Variants in MANEAL observed in about 807,000 individuals in gnomAD.
MANEAL encodes the protein glycoprotein endo-alpha-1,2-mannosidase-like protein.
Under a neutral mutation model 35.9 loss-of-function variants are expected in MANEAL, and 28 were observed. The observed-to-expected ratio is 0.78, with a 90% confidence interval of 0.58 to 1.07. The LOEUF is 1.07. Ranked by LOEUF, MANEAL falls within the 50% of genes least tolerant of loss-of-function variation. The pLI, the probability that MANEAL is intolerant of heterozygous loss-of-function variation, is 0.00. For synonymous variants in MANEAL, 286 were observed against 272.2 expected, an observed-to-expected ratio of 1.05 and a Z score of -0.50; for missense variants, 576 against 629.6, an observed-to-expected ratio of 0.91 and a Z score of 0.91.
Position 37,800,013 on chromosome 1 carries a change from G to C in MANEAL, c.1184G>C (p.Arg395Thr). 6.2e-7 allele frequency: 1 copy of C among 1,614,230 alleles called. No homozygotes were observed. ...ETALQAALTV[R>T]PEIVSITSFN... The stretch of plus-strand genomic sequence containing the variant: ...GCCCTGCAGGCGGCCCTGACAGTGA[G>C]GCCCGAGATCGTTTCCATTACCTCC... The change falls in exon 4 of 4, where the codon AGG (arginine) becomes ACG (threonine). Residue 395 changes from arginine (R) to threonine (T), a missense_variant. By Grantham distance (71) the Arg-to-Thr change is moderately conservative (BLOSUM62 -1). This residue lies in a region of MANEAL where 449 missense variants were observed against 516.1 expected (regional missense o/e 0.87). Transcript: ENST00000373045.
chr1:37,797,464 C>CTTTTTTT (rs79029579), intron 3 of MANEAL, among the ~76,000 whole-genome samples: 3 of 116,996 alleles, frequency 2.6e-5, no homozygotes, highest in Non-Finnish European at 1.9e-5. Flanking sequence ...AATGCCAGTG[C>CTTTTTTT]TTTTTTTTTT....
rs1162283542 is a variant in MANEAL at position 37,794,660 on chromosome 1, C to T, written c.478C>T (p.Leu160=). Residue 160 remains leucine (L), a synonymous_variant, in exon 1 of 4, where the codon CTG becomes TTG. Coordinates refer to ENST00000373045, the MANE Select transcript of MANEAL (RefSeq NM_001113482.2). This position sits in a 1 kb window ranked among gnomAD's most constrained non-coding sequence, Gnocchi z 5.7. ...DDLGSSFYPE[L]GPYSSRDPEV... is the part of the protein sequence containing the mutation. ...CTTGGGCTCCAGCTTCTACCCGGAGCTGGGGCCCTACAGCTCCCGGGACCC... is the reference window on the plus strand; with the variant it reads ...CTTGGGCTCCAGCTTCTACCCGGAGTTGGGGCCCTACAGCTCCCGGGACCC... The T allele has an allele frequency of 3.1e-6, 5 of 1,610,340 alleles. No individual in the cohort carries two copies. Among genetic ancestry groups the T allele is most frequent in the Middle Eastern group, 1.6e-4 (1 of 6,074 alleles).
In MANEAL at chr1:37,800,209, C is replaced by A; in HGVS notation, c.*6C>A. 6.2e-7 allele frequency: 1 copy of A among 1,610,892 alleles called. No individual in the cohort carries two copies. Among genetic ancestry groups the A allele is most frequent in the Non-Finnish European group, 8.5e-7 (1 of 1,179,380 alleles). On this transcript the variant is annotated 3_prime_UTR_variant, in exon 4 of 4. Transcript: ENST00000373045. Reference sequence around the variant, plus strand: ...AGGAGCAGTGGCTCATGTGAGGGGCCTGTAAATGGGCGTGAGGTGCTGATG... The same window carrying A: ...AGGAGCAGTGGCTCATGTGAGGGGCATGTAAATGGGCGTGAGGTGCTGATG...
chr1:37,799,198 C>T lies in MANEAL; in HGVS notation c.738-369C>T, dbSNP rs922210166. On this transcript the variant is annotated intron_variant, in intron 3 of 3. Coordinates refer to ENST00000373045, the MANE Select transcript of MANEAL (RefSeq NM_001113482.2). This position sits in a 1 kb window ranked among gnomAD's most constrained non-coding sequence, Gnocchi z 4.1. ...GACACATGAGAGCCGGATAGAAAGG[C>T]CAGATGGGGAGTAATAGCTGGGAAA... is the stretch of plus-strand genomic sequence containing the variant. 6.6e-6 allele frequency among the ~76,000 whole-genome samples: 1 copy of T among 151,966 alleles called. No individual in the cohort carries two copies. Among genetic ancestry groups the T allele is most frequent in the Non-Finnish European group, 1.5e-5 (1 of 67,996 alleles).
chr1:37,797,042 C>T (rs1385386016), intron 3 of MANEAL, among the ~76,000 whole-genome samples: 2 of 152,194 alleles, frequency 1.3e-5, no homozygotes, highest in Non-Finnish European at 2.9e-5. Context: ...ACCTTTGAGT[C>T]TTGTGAGAAT....
Position 37,799,660 on chromosome 1 carries a change from T to C in MANEAL, c.831T>C (p.Pro277=). 2.5e-6 allele frequency: 4 copies of C among 1,614,202 alleles called. No homozygotes were observed. The highest frequency in any genetic ancestry group is 3.4e-6 in the Non-Finnish European group (4 of 1,180,036). The change falls in exon 4 of 4, where the codon CCT becomes CCC. Residue 277 remains proline (P), a synonymous_variant. Coordinates refer to ENST00000373045, the MANE Select transcript of MANEAL (RefSeq NM_001113482.2). The surrounding 1 kb of genome is among the most constrained non-coding windows in gnomAD (Gnocchi z 4.1). Reference sequence around the variant, plus strand: ...TCTACGACTCATACCTGACGTCCCCTGAGGCCTGGGCCCACCTCCTGACAC... The same window carrying C: ...TCTACGACTCATACCTGACGTCCCCCGAGGCCTGGGCCCACCTCCTGACAC... The part of the protein sequence containing the change: ...FYIYDSYLTS[P]EAWAHLLTPN...
chr1:37,799,493 ATC>A lies in MANEAL; in HGVS notation c.738-71_738-70del. ...CAGAACTGGGCTGTGTTGCATCCGT[ATC>A]TCATCCACGGGAGGTCCTACAGCTG... On this transcript the variant is annotated intron_variant, in intron 3 of 3. Transcript: ENST00000373045. This position sits in a 1 kb window ranked among gnomAD's most constrained non-coding sequence, Gnocchi z 4.1. 1 of 1,507,996 alleles carries A rather than the reference ATC, an allele frequency of 6.6e-7. No homozygotes were observed. The highest frequency in any genetic ancestry group is 8.9e-7 in the Non-Finnish European group (1 of 1,120,270). 93.4% of individuals were successfully genotyped at this position (1,507,996 alleles called of 1,614,324 possible). A position where few individuals can be genotyped will look rare whatever the true frequency, so the allele number is the denominator to read the frequency against.
At chr1:37,795,539 G>C (rs1327212184) in intron 1 of MANEAL, 198 bp from the exon 2 acceptor site, 1 of 1,397,738 alleles carries the variant, frequency 7.2e-7, no homozygotes, top group African/African-American at 1.5e-5. Context: ...TCCCGCAGGC[G>C]CTCCGCTTCA....
At position 37,794,610 on chromosome 1, in the gene MANEAL, G is replaced by T. The variant is rs1171893290; in HGVS notation, c.428G>T (p.Arg143Leu). The change falls in exon 1 of 4, where the codon CGC becomes CTC. Residue 143 changes from arginine (R) to leucine (L), a missense_variant. Physicochemically the swap from Arg to Leu is moderately radical, Grantham distance 102 (BLOSUM62 -2). Coordinates refer to ENST00000373045, the MANE Select transcript of MANEAL (RefSeq NM_001113482.2). The surrounding 1 kb of genome is among the most constrained non-coding windows in gnomAD (Gnocchi z 5.7). ...CCCAAGATCTCGGCCAGCTACCCCC[G>T]CGGCCGCCACAGCCCCCCAGACGAC... Reference protein sequence around the residue: ...WDPKISASYPRGRHSPPDDLG... With the variant: ...WDPKISASYPLGRHSPPDDLG... 6.2e-7 allele frequency: 1 copy of T among 1,611,102 alleles called. No individual in the cohort carries two copies. The highest frequency in any genetic ancestry group is 1.3e-5 in the African/African-American group (1 of 74,976).
chr1:37,796,665 C>T, intron 2 of MANEAL, 79 bp from the exon 3 acceptor site: 4 of 1,325,560 alleles, frequency 3.0e-6, no homozygotes, highest in Non-Finnish European at 3.2e-6. Flanking sequence ...TCCTCCAGGC[C>T]ATGGTTAGAT....
rs754396974 is a variant in MANEAL at position 37,794,766 on chromosome 1, C to A, written c.550+34C>A. 2.2e-6 allele frequency: 3 copies of A among 1,369,100 alleles called. No homozygotes were observed. Among genetic ancestry groups the A allele is most frequent in the Non-Finnish European group, 3.0e-6 (3 of 998,712 alleles). The allele number at this position is 1,369,100 out of a possible 1,614,324, so 84.8% of individuals were successfully genotyped here. On this transcript the variant is annotated intron_variant, in intron 1 of 3. Coordinates refer to ENST00000373045, the MANE Select transcript of MANEAL (RefSeq NM_001113482.2). This position sits in a 1 kb window ranked among gnomAD's most constrained non-coding sequence, Gnocchi z 5.7. ...CCCCCACCCCGGGCGGCCCTGCCCC[C>A]CAGCCTCACCCTTCCTCCTTCCCAC...
Position 37,796,807 on chromosome 1 carries a change from T to C in MANEAL, c.724T>C (p.Tyr242His), listed in dbSNP as rs756820545. The change falls in exon 3 of 4, where the codon TAC (tyrosine) becomes CAC (histidine). Residue 242 changes from tyrosine (Y) to histidine (H), a missense_variant. By Grantham distance (83) the Tyr-to-His change is moderately conservative (BLOSUM62 2). Around this residue, in one of 3 missense-constraint regions of MANEAL, gnomAD observed 449 missense variants for 516.1 expected, o/e 0.87. Coordinates refer to ENST00000373045, the MANE Select transcript of MANEAL (RefSeq NM_001113482.2). ...CATCACTGTACATGACAACATCAAG[T>C]ACATCATTGACACGTAAGGCTGCTC... ...DDITVHDNIK[Y>H]IIDTYGSHGA... 9.3e-6 allele frequency: 15 copies of C among 1,610,242 alleles called. No individual in the cohort carries two copies. The highest frequency in any genetic ancestry group is 1.3e-5 in the African/African-American group (1 of 74,870).
rs959199571 is a variant in MANEAL, at chr1:37,794,342, G to A, written c.160G>A (p.Ala54Thr). 2 of 1,081,280 alleles carry A rather than the reference G, an allele frequency of 1.8e-6. No homozygotes were observed. The highest frequency in any genetic ancestry group is 2.2e-6 in the Non-Finnish European group (2 of 891,498). 67.0% of individuals were successfully genotyped at this position (1,081,280 alleles called of 1,614,324 possible). A position where few individuals can be genotyped will look rare whatever the true frequency, so the allele number is the denominator to read the frequency against. The change falls in exon 1 of 4, where the codon GCC becomes ACC. Residue 54 changes from alanine to threonine, a missense_variant. Around this residue, in one of 3 missense-constraint regions of MANEAL, gnomAD observed 122 missense variants for 97.2 expected, o/e 1.26. Transcript: ENST00000373045. This position sits in a 1 kb window ranked among gnomAD's most constrained non-coding sequence, Gnocchi z 5.7. Reference sequence around the variant, plus strand: ...GCCCTTTGAGCGACGCCCAGAGGGGGCCCCCGCGCCCGCTGCCAGGGCCCC... The same window carrying A: ...GCCCTTTGAGCGACGCCCAGAGGGGACCCCCGCGCCCGCTGCCAGGGCCCC... Reference protein sequence around the residue: ...LAPFERRPEGAPAPAARAPAA... With the variant: ...LAPFERRPEGTPAPAARAPAA...
Position 37,799,670 on chromosome 1 carries a change from G to T in MANEAL, c.841G>T (p.Ala281Ser). 8 of 1,614,098 alleles carry T rather than the reference G, an allele frequency of 5.0e-6. No homozygotes were observed. Among genetic ancestry groups the T allele is most frequent in the Non-Finnish European group, 5.1e-6 (6 of 1,180,020 alleles). ...DSYLTSPEAWAHLLTPNGPHS... is the reference protein window; with the variant it reads ...DSYLTSPEAWSHLLTPNGPHS... ...ATACCTGACGTCCCCTGAGGCCTGG[G>T]CCCACCTCCTGACACCAAACGGGCC... The change falls in exon 4 of 4, where the codon GCC becomes TCC. Residue 281 changes from alanine to serine, a missense_variant. By Grantham distance (99) the Ala-to-Ser change is moderately conservative. Transcript: ENST00000373045. This position sits in a 1 kb window ranked among gnomAD's most constrained non-coding sequence, Gnocchi z 4.1.
Position 37,800,543 on chromosome 1 carries a change from A to C in MANEAL, c.*340A>C, listed in dbSNP as rs1049358768. On this transcript the variant is annotated 3_prime_UTR_variant, in exon 4 of 4. Transcript: ENST00000373045. ...GCTGTGTAGTGGCCACCCAGTCACCACCCTTGGAAGGGTGTCAGGGTCTGG... is the reference window on the plus strand; with the variant it reads ...GCTGTGTAGTGGCCACCCAGTCACCCCCCTTGGAAGGGTGTCAGGGTCTGG... 1 of 319,442 alleles carries C rather than the reference A, an allele frequency of 3.1e-6. No homozygotes were observed. Among genetic ancestry groups the C allele is most frequent in the South Asian group, 4.3e-5 (1 of 23,482 alleles). The allele number at this position is 319,442 out of a possible 1,614,324, so 19.8% of individuals were successfully genotyped here.
intron 3 of MANEAL, among the ~76,000 whole-genome samples, chr1:37,798,634 G>C (rs1646667707): frequency 6.6e-6 from 1 of 152,112 alleles, no homozygotes; most frequent in South Asian, 2.1e-4. Flanking sequence ...TTGGGGGGCT[G>C]AGGTGAGTGG....
At position 37,794,702 on chromosome 1, in the gene MANEAL, C is replaced by T; in HGVS notation, c.520C>T (p.His174Tyr). Residue 174 changes from histidine (H) to tyrosine (Y), a missense_variant, in exon 1 of 4, where the codon CAT becomes TAT. His to Tyr is a moderately conservative substitution (Grantham distance 83). This residue lies in a region of MANEAL where 449 missense variants were observed against 516.1 expected (regional missense o/e 0.87). Coordinates refer to ENST00000373045, the MANE Select transcript of MANEAL (RefSeq NM_001113482.2). The surrounding 1 kb of genome is among the most constrained non-coding windows in gnomAD (Gnocchi z 5.7). ...CCGGGACCCCGAAGTGCTGCGGGAG[C>T]ATATGACCCAGCTCAAGGAAGCCGC... ...SSRDPEVLRE[H>Y]MTQLKEAAIG... 6.3e-7 allele frequency: 1 copy of T among 1,599,100 alleles called. No individual in the cohort carries two copies. The highest frequency in any genetic ancestry group is 8.5e-7 in the Non-Finnish European group (1 of 1,173,368).
At chr1:37,795,478 T>C in intron 1 of MANEAL, 1 of 1,309,624 alleles carries the variant, frequency 7.6e-7, no homozygotes, top group South Asian at 1.6e-5. Context: ...GTTCTACTAC[T>C]TGCTGAGGCA....
Position 37,794,356 on chromosome 1 carries a change from T to C in MANEAL, c.174T>C (p.Ala58=). 9.4e-7 allele frequency: 1 copy of C among 1,067,354 alleles called. No homozygotes were observed. The highest frequency in any genetic ancestry group is 1.1e-6 in the Non-Finnish European group (1 of 883,210). 66.1% of individuals were successfully genotyped at this position (1,067,354 alleles called of 1,614,324 possible). Residue 58 remains alanine, a synonymous_variant, in exon 1 of 4, where the codon GCT becomes GCC. Transcript: ENST00000373045. This position sits in a 1 kb window ranked among gnomAD's most constrained non-coding sequence, Gnocchi z 5.7. ...GCCCAGAGGGGGCCCCCGCGCCCGCTGCCAGGGCCCCGGCAGCCCCTGCCG... is the reference window on the plus strand; with the variant it reads ...GCCCAGAGGGGGCCCCCGCGCCCGCCGCCAGGGCCCCGGCAGCCCCTGCCG... The part of the protein sequence containing the change: ...ERRPEGAPAP[A]ARAPAAPAAP...
Sources: allele counts gnomAD v4.1 joint callset (sites outside exome capture counted in the v4.1 genomes callset), GRCh38; gene constraint gnomAD v4.1.1; regional missense constraint gnomAD v4.1.1; non-coding constraint Gnocchi (gnomAD v3.1); transcripts MANE v1.5; gene names NCBI Gene and HGNC (gene_info 2026-07-23, HGNC 2026-07-21).